PDXK: variants seen among roughly 807,000 people sequenced by gnomAD.
PDXK encodes pyridoxal kinase, also known as epididymis secretory sperm binding protein Li 1a.
A neutral mutation model predicts 43.2 loss-of-function variants in PDXK; 15 were observed. The ratio of observed to expected loss-of-function variants is 0.35; its 90% CI spans 0.23 to 0.53. The LOEUF is 0.53. Ranked by LOEUF, PDXK falls within the 20% of genes least tolerant of loss-of-function variation. The pLI is 0.92. For missense variants in PDXK, 343 were observed against 417.0 expected (o/e 0.82, Z 1.54); for synonymous variants, 172 against 165.4 (o/e 1.04, Z -0.31).
At chr21:43,746,659 T>C (rs1424242094) in intron 5 of PDXK, among the ~76,000 whole-genome samples, 2 of 152,122 alleles carry the variant, frequency 1.3e-5, no homozygotes, top group African/African-American at 4.8e-5. Context: ...CCTCAAGTGA[T>C]CCACCTGCCT....
chr21:43,719,826 G>C, intron 1 of PDXK: 1 of 985,484 alleles, frequency 1.0e-6, no homozygotes, highest in Non-Finnish European at 1.2e-6. Context: ...CGTGGAGCTC[G>C]AGACGCTCGC....
intron 5 of PDXK, among the ~76,000 whole-genome samples, chr21:43,746,571 A>C (rs555421776): frequency 3.9e-5 from 6 of 152,136 alleles, no homozygotes; most frequent in Non-Finnish European, 7.4e-5. Context: ...CAGGTGCACA[A>C]CACCACTCCC....
At chr21:43,731,931 C>G (rs2083323660) in intron 1 of PDXK, among the ~76,000 whole-genome samples, 1 of 152,210 alleles carries the variant, frequency 6.6e-6, no homozygotes, top group Non-Finnish European at 1.5e-5. Context: ...CTCTTTAGAA[C>G]CTGGAGCTGG....
At chr21:43,750,626 C>T in intron 7 of PDXK, 81 bp downstream of exon 7, 1 of 1,105,702 alleles carries the variant, frequency 9.0e-7, no homozygotes, top group South Asian at 1.3e-5. Flanking sequence ...TGAGTGGCAC[C>T]ACTGTGTCAT....
intron 1 of PDXK, among the ~76,000 whole-genome samples, chr21:43,726,301 C>T (rs1466666131): frequency 4.2e-5 from 5 of 118,852 alleles, no homozygotes; most frequent in African/African-American, 1.4e-4. Flanking sequence ...GAGACGGAGT[C>T]TCACTCTGTC....
In PDXK at chr21:43,737,095, C is replaced by T. The variant is rs531073788; in HGVS notation, c.142+2972C>T. 4 of 910,812 alleles carry T rather than the reference C, an allele frequency of 4.4e-6. No homozygotes were observed. In the East Asian group the frequency reaches 1.1e-4, roughly 24 times the overall value. The allele number at this position is 910,812 out of a possible 1,614,324, so 56.4% of individuals were successfully genotyped here. On this transcript the variant is annotated intron_variant, in intron 2 of 10. Transcript: ENST00000291565. The surrounding 1 kb of genome is among the most constrained non-coding windows in gnomAD (Gnocchi z 4.8). ...CTATAGTTGTGCACCAGCACGCCCA[C>T]CTCCTGCCCAGGGTTGTTACTGGGG...
In PDXK at chr21:43,753,552, C is replaced by G. The variant is rs554912084; in HGVS notation, c.623-31C>G. On this transcript the variant is annotated intron_variant, in intron 8 of 10. Coordinates refer to ENST00000291565, the MANE Select transcript of PDXK (RefSeq NM_003681.5). ...TGGCCCTGGCAGAGGAGCGGCAGAT[C>G]TCAGTGACCTTGCCCATCTTCTCCC... The G allele has an allele frequency of 2.0e-4, 321 of 1,592,380 alleles. 1 individual carries two copies. In the South Asian group the frequency reaches 2.5e-3, roughly 12 times the overall value.
intron 1 of PDXK, among the ~76,000 whole-genome samples, chr21:43,722,506 G>A (rs1184118335): frequency 6.6e-6 from 1 of 152,222 alleles, no homozygotes; most frequent in Non-Finnish European, 1.5e-5. Flanking sequence ...TCATGTAGGA[G>A]TTTGCCCGGA....
intron 1 of PDXK, among the ~76,000 whole-genome samples, chr21:43,728,397 G>C (rs1030921770): frequency 6.6e-6 from 1 of 152,196 alleles, no homozygotes; most frequent in Non-Finnish European, 1.5e-5. Context: ...GGAGGGTTCT[G>C]CTGGGTGGGT....
chr21:43,738,355 A>AC (rs1568979704), intron 2 of PDXK: 1 of 152,022 alleles, frequency 6.6e-6, no homozygotes, highest in Non-Finnish European at 1.5e-5. Flanking sequence ...TGGACCTTGG[A>AC]CCCCCGTGCC....
rs1047351046 is a variant in PDXK, at chr21:43,732,038, G to C, written c.88-2031G>C. 1.7e-6 allele frequency: 1 copy of C among 576,348 alleles called. No individual in the cohort carries two copies. Among genetic ancestry groups the C allele is most frequent in the Non-Finnish European group, 2.3e-6 (1 of 427,700 alleles). 35.7% of individuals were successfully genotyped at this position (576,348 alleles called of 1,614,324 possible). A position where few individuals can be genotyped will look rare whatever the true frequency, so the allele number is the denominator to read the frequency against. On this transcript the variant is annotated intron_variant, in intron 1 of 10. Transcript: ENST00000291565. The surrounding 1 kb of genome is among the most constrained non-coding windows in gnomAD (Gnocchi z 4.1). ...GAGGGAAAGCCACAAAGTGGATTCC[G>C]CTGCTGCTATGGGAAGGGACGGTCA... is the stretch of plus-strand genomic sequence containing the variant.
At chr21:43,729,409 A>T (rs1196407090) in intron 1 of PDXK, among the ~76,000 whole-genome samples, 2 of 152,188 alleles carry the variant, frequency 1.3e-5, no homozygotes, top group Admixed American at 6.5e-5. Context: ...GGAGTTGGCC[A>T]GGCACAGGGG....
chr21:43,737,257 G>C lies in PDXK; in HGVS notation c.142+3134G>C, dbSNP rs1227078984. 1 of 1,423,268 alleles carries C rather than the reference G, an allele frequency of 7.0e-7. No individual in the cohort carries two copies. The highest frequency in any genetic ancestry group is 1.4e-5 in the African/African-American group (1 of 69,436). The allele number at this position is 1,423,268 out of a possible 1,614,324, so 88.2% of individuals were successfully genotyped here. On this transcript the variant is annotated intron_variant, in intron 2 of 10. Transcript: ENST00000291565. This position sits in a 1 kb window ranked among gnomAD's most constrained non-coding sequence, Gnocchi z 4.8. ...GGGGGTGGGAAAGCCGATCCCCCAA[G>C]TGCCTGCAGAGCCCACCTGGCGCAG...
chr21:43,719,378 G>A lies in PDXK; in HGVS notation c.84G>A (p.Leu28=). 6.6e-7 allele frequency: 1 copy of A among 1,522,986 alleles called. No individual in the cohort carries two copies. Among genetic ancestry groups the A allele is most frequent in the South Asian group, 1.2e-5 (1 of 81,750 alleles). The allele number at this position is 1,522,986 out of a possible 1,614,324, so 94.3% of individuals were successfully genotyped here. ...YVGNRAATFP[L]QVLGFEIDAV... is the part of the protein sequence containing the mutation. ...GCAACCGGGCGGCCACGTTCCCGCT[G>A]CAGGTACGCATCCGCCCGCAGCCCG... Residue 28 remains leucine, a synonymous_variant, in exon 1 of 11, where the codon CTG becomes CTA. Transcript: ENST00000291565.
intron 8 of PDXK, among the ~76,000 whole-genome samples, chr21:43,752,942 C>T (rs1230840809): frequency 6.6e-6 from 1 of 152,162 alleles, no homozygotes; most frequent in Non-Finnish European, 1.5e-5. Flanking sequence ...ACACAGACAC[C>T]ACCTGGTTGA....
intron 10 of PDXK, 70 bp downstream of exon 10, chr21:43,755,834 C>T: frequency 6.7e-7 from 1 of 1,493,506 alleles, no homozygotes; most frequent in Non-Finnish European, 9.3e-7. Flanking sequence ...GAAGAGCTGG[C>T]ACGTGCTGGT....
rs562190402 is a variant in PDXK, at chr21:43,736,416, C to A, written c.142+2293C>A. On this transcript the variant is annotated intron_variant, in intron 2 of 10. Coordinates refer to ENST00000291565, the MANE Select transcript of PDXK (RefSeq NM_003681.5). ...GCCCTGTGTGACCGGCCACGTGAGC[C>A]CAGCCACAAGCAGCCGTGCGGACAC... is the stretch of plus-strand genomic sequence containing the variant. 3.3e-5 allele frequency among the ~76,000 whole-genome samples: 5 copies of A among 152,268 alleles called. No homozygotes were observed. In the South Asian group the frequency reaches 1.0e-3, roughly 32 times the overall value.
chr21:43,725,119 C>T (rs972872414), intron 1 of PDXK, among the ~76,000 whole-genome samples: 3 of 151,556 alleles, frequency 2.0e-5, no homozygotes, highest in South Asian at 2.1e-4. Context: ...ATCAGGAGAT[C>T]GAGACCAGTC....
intron 6 of PDXK, among the ~76,000 whole-genome samples, chr21:43,750,026 C>G (rs549978349): frequency 2.7e-5 from 4 of 150,624 alleles, no homozygotes; most frequent in Non-Finnish European, 4.4e-5. Flanking sequence ...TTGAGCCCCC[C>G]CATTCACGCA....
Sources: gnomAD v4.1 joint callset for allele counts (sites outside exome capture counted in the v4.1 genomes callset) on GRCh38, gnomAD v4.1.1 for gene constraint, Gnocchi (gnomAD v3.1) non-coding constraint, MANE v1.5 for transcripts, NCBI Gene and HGNC (gene_info 2026-07-23, HGNC 2026-07-21) for gene names.